Variants in TSNARE1 observed in about 807,000 individuals in gnomAD.
TSNARE1 encodes t-SNARE domain containing 1.
TSNARE1 carries 49 observed loss-of-function variants against 62.0 expected under a neutral mutation model. That is an observed-to-expected ratio of 0.79 (90% CI 0.63 to 1.00). The LOEUF (loss-of-function observed/expected upper bound fraction) is 1.00, where lower values mean the gene tolerates loss of function less well. Among genes scored for constraint, TSNARE1 ranks in the 50% least tolerant of loss-of-function variants. TSNARE1 has a pLI of 0.00. For missense variants in TSNARE1, 755 were observed against 700.1 expected (o/e 1.08, Z -0.88); for synonymous variants, 328 against 294.4 (o/e 1.11, Z -1.17).
At position 142,291,040 on chromosome 8, in the gene TSNARE1, G is replaced by C. The variant is rs1026079320; in HGVS notation, c.1291-6555C>G. Among the ~76,000 whole-genome samples the C allele has an allele frequency of 6.6e-6, 1 of 152,072 alleles. No homozygotes were observed. The highest frequency in any genetic ancestry group is 2.4e-5 in the African/African-American group (1 of 41,398). On this transcript the variant is annotated intron_variant, in intron 10 of 13. Transcript: ENST00000524325. This position sits in a 1 kb window ranked among gnomAD's most constrained non-coding sequence, Gnocchi z 4.8. ...ACGCTGGCAGTGGACTGAAGGGCAC[G>C]CGCCTGTTCCCTCCAACCTCTCCTG...
intron 1 of TSNARE1, among the ~76,000 whole-genome samples, chr8:142,387,816 A>G (rs1013147448): frequency 6.6e-6 from 1 of 152,336 alleles, no homozygotes; most frequent in East Asian, 1.9e-4. Context: ...TCACAAAGGA[A>G]TCTAACCACT....
At chr8:142,289,862 C>T (rs1007173031) in intron 10 of TSNARE1, among the ~76,000 whole-genome samples, 8 of 152,234 alleles carry the variant, frequency 5.3e-5, no homozygotes, top group African/African-American at 1.4e-4. Flanking sequence ...GAGAGCCGGG[C>T]AGGCGCAGTG....
At chr8:142,318,216 C>T (rs1038539985) in intron 7 of TSNARE1, among the ~76,000 whole-genome samples, 2 of 152,152 alleles carry the variant, frequency 1.3e-5, no homozygotes, top group Non-Finnish European at 2.9e-5. Context: ...GATGGTGAAA[C>T]AAACAATGGC....
intron 1 of TSNARE1, among the ~76,000 whole-genome samples, chr8:142,401,150 G>A (rs1334222550): frequency 6.6e-6 from 1 of 152,170 alleles, no homozygotes; most frequent in East Asian, 1.9e-4. Context: ...TCAAGCTCCA[G>A]CATCGTGACC....
intron 12 of TSNARE1, among the ~76,000 whole-genome samples, chr8:142,234,635 C>T (rs1043555515): frequency 1.3e-5 from 2 of 152,238 alleles, no homozygotes; most frequent in Non-Finnish European, 2.9e-5. Flanking sequence ...CCAGGGCAGT[C>T]CCTCCAGCCT....
rs555073819 is a variant in TSNARE1, at chr8:142,279,957, G to T, written c.1363+4456C>A. 1.4e-4 allele frequency: 155 copies of T among 1,112,106 alleles called. No homozygotes were observed. In the African/African-American group the frequency reaches 2.5e-3, roughly 18 times the overall value. The allele number at this position is 1,112,106 out of a possible 1,614,324, so 68.9% of individuals were successfully genotyped here. A position where few individuals can be genotyped will look rare whatever the true frequency, so the allele number is the denominator to read the frequency against. On this transcript the variant is annotated intron_variant, in intron 11 of 13. Transcript: ENST00000524325. ...CCACAGGTGTGAGGAGGAGGCCGGG[G>T]GCGGGGCCGCCCTCCGCCAGCTTCT...
intron 9 of TSNARE1, among the ~76,000 whole-genome samples, chr8:142,308,108 T>G (rs929301808): frequency 2.0e-5 from 3 of 152,338 alleles, no homozygotes; most frequent in African/African-American, 7.2e-5. Flanking sequence ...CCTTGTTGAT[T>G]TGTAAGATAT....
chr8:142,344,321 C>T lies in TSNARE1; in HGVS notation c.390G>A (p.Pro130=), dbSNP rs774560278. Residue 130 remains proline, a synonymous_variant, in exon 4 of 14, where the codon CCG becomes CCA. Transcript: ENST00000524325. ...TGGACACCAGCACCTCGGTCTCCTG[C>T]GGGCAGAAGTTGGGCTTCCTCTTCT... is the stretch of plus-strand genomic sequence containing the variant. ...RAKKRKPNFC[P]QETEVLVSKV... 3.8e-6 allele frequency: 6 copies of T among 1,587,402 alleles called. No homozygotes were observed. The highest frequency in any genetic ancestry group is 1.3e-5 in the African/African-American group (1 of 74,096).
rs1823690994 is a variant in TSNARE1, at chr8:142,291,239, G to A, written c.1291-6754C>T. ...ATCTCAGAAAGGCCAAGCAAAAGTC[G>A]GCTCTCCAGCATCGCGGTGAGGATG... On this transcript the variant is annotated intron_variant, in intron 10 of 13. Coordinates refer to ENST00000524325, the MANE Select transcript of TSNARE1 (RefSeq NM_145003.5). The surrounding 1 kb of genome is among the most constrained non-coding windows in gnomAD (Gnocchi z 4.8). Among the ~76,000 whole-genome samples, 1 of 151,716 alleles carries A rather than the reference G, an allele frequency of 6.6e-6. No individual in the cohort carries two copies. Among genetic ancestry groups the A allele is most frequent in the Non-Finnish European group, 1.5e-5 (1 of 67,970 alleles).
At chr8:142,377,104 A>G (rs973231008) in intron 1 of TSNARE1, among the ~76,000 whole-genome samples, 3 of 152,234 alleles carry the variant, frequency 2.0e-5, no homozygotes, top group African/African-American at 7.2e-5. Flanking sequence ...CATCCCTCCA[A>G]GAGCACGTCC....
chr8:142,261,144 AAAGAGGTAGAAG>A (rs2130397572), intron 12 of TSNARE1, among the ~76,000 whole-genome samples: 2 of 95,394 alleles, frequency 2.1e-5, no homozygotes, highest in Non-Finnish European at 4.3e-5. Context: ...GGGAAGGAGG[AAAGAGGTAGAAG>A]GGAGGGAGGA....
intron 13 of TSNARE1, among the ~76,000 whole-genome samples, chr8:142,213,494 A>C (rs1459896845): frequency 1.3e-5 from 2 of 151,972 alleles, no homozygotes; most frequent in Non-Finnish European, 2.9e-5. Context: ...TCAAAACAAA[A>C]AACTGAAAAC....
chr8:142,328,515 T>C (rs920434247), intron 6 of TSNARE1, among the ~76,000 whole-genome samples: 1 of 152,254 alleles, frequency 6.6e-6, no homozygotes, highest in Admixed American at 6.5e-5. Context: ...CTTTGTTCAA[T>C]TGTGCTCTCG....
intron 7 of TSNARE1, 93 bp downstream of exon 7, chr8:142,318,451 C>G: frequency 7.8e-7 from 1 of 1,288,692 alleles, no homozygotes; most frequent in Non-Finnish European, 1.1e-6. Context: ...GTCAGCCTCC[C>G]TGTATCCTGC....
chr8:142,331,598 C>T (rs1018872796), intron 5 of TSNARE1, among the ~76,000 whole-genome samples, 156 bp downstream of exon 5: 31 of 152,242 alleles, frequency 2.0e-4, no homozygotes, highest in East Asian at 5.8e-4. Context: ...CCAGCACCCT[C>T]GCATCCAACG....
intron 1 of TSNARE1, among the ~76,000 whole-genome samples, chr8:142,393,850 C>G (rs892309241): frequency 6.6e-5 from 10 of 152,220 alleles, no homozygotes; most frequent in Middle Eastern, 3.2e-3. Flanking sequence ...GCTGCTCAAC[C>G]GAGACTTCCA....
chr8:142,347,228 A>C (rs1309475314), intron 2 of TSNARE1, among the ~76,000 whole-genome samples: 1 of 152,248 alleles, frequency 6.6e-6, no homozygotes, highest in Admixed American at 6.5e-5. Flanking sequence ...CAGAGTCAGA[A>C]GACAACCCTC....
At chr8:142,311,676 GA>G (rs1297407709) in intron 9 of TSNARE1, among the ~76,000 whole-genome samples, 1 of 152,068 alleles carries the variant, frequency 6.6e-6, no homozygotes, top group Non-Finnish European at 1.5e-5. Context: ...GACAGTTTTG[GA>G]AAACTCTCAA....
chr8:142,337,234 T>A (rs1207044715), intron 4 of TSNARE1, among the ~76,000 whole-genome samples: 1 of 152,218 alleles, frequency 6.6e-6, no homozygotes, highest in Admixed American at 6.5e-5. Flanking sequence ...GATGATAAAA[T>A]TATTCAGATC....
Sources: allele counts gnomAD v4.1 joint callset (sites outside exome capture counted in the v4.1 genomes callset), GRCh38; gene constraint gnomAD v4.1.1; non-coding constraint Gnocchi (gnomAD v3.1); transcripts MANE v1.5; gene names NCBI Gene and HGNC (gene_info 2026-07-23, HGNC 2026-07-21).